ATL3: variants seen among roughly 807,000 people sequenced by gnomAD.
ATL3 encodes the protein atlastin GTPase 3.
Under a neutral mutation model 69.5 loss-of-function variants are expected in ATL3, and 49 were observed. That is an observed-to-expected ratio of 0.71 (90% CI 0.56 to 0.89). ATL3 has a LOEUF of 0.89. Among genes scored for constraint, ATL3 ranks in the 40% least tolerant of loss-of-function variants. The probability of loss-of-function intolerance (pLI) is 0.00; values close to 1 mark genes in which losing one functional copy is unlikely to be tolerated. For synonymous variants in ATL3, 214 were observed against 224.1 expected, an observed-to-expected ratio of 0.95 and a Z score of 0.40; for missense variants, 606 against 645.7, an observed-to-expected ratio of 0.94 and a Z score of 0.67.
chr11:63,644,370 A>AAGTACT, intron 6 of ATL3, 109 bp from the exon 7 acceptor site: 1 of 577,352 alleles, frequency 1.7e-6, no homozygotes, highest in Non-Finnish European at 3.0e-6. Context: ...GGGGTAAAGT[A>AAGTACT]GAAGGATTTA....
chr11:63,640,030 G>GT (rs1457688592), intron 8 of ATL3, among the ~76,000 whole-genome samples: 1 of 151,956 alleles, frequency 6.6e-6, no homozygotes, highest in African/African-American at 2.4e-5. Flanking sequence ...CCGGGTTCAA[G>GT]TAATTCTCCT....
At chr11:63,650,814 A>T (rs529430176) in intron 5 of ATL3, 2 of 152,336 alleles carry the variant, frequency 1.3e-5, no homozygotes, top group South Asian at 4.1e-4. Context: ...TGAAATGGTG[A>T]CCAACTCAAG....
At chr11:63,668,315 G>C (rs1590748899) in intron 1 of ATL3, among the ~76,000 whole-genome samples, 1 of 152,172 alleles carries the variant, frequency 6.6e-6, no homozygotes. Flanking sequence ...AGTATACTAA[G>C]ACCTTAGCCA....
At chr11:63,660,359 A>T (rs552120235) in intron 1 of ATL3, among the ~76,000 whole-genome samples, 37 of 152,326 alleles carry the variant, frequency 2.4e-4, no homozygotes, top group African/African-American at 8.9e-4. Context: ...TCTAAATTAA[A>T]ACCACAATAA....
intron 12 of ATL3, 100 bp downstream of exon 12, chr11:63,630,940 T>G (rs979170555): frequency 1.6e-6 from 2 of 1,216,138 alleles, no homozygotes; most frequent in Admixed American, 2.6e-5. Flanking sequence ...CACTGTCTCA[T>G]GTCTTCACTA....
rs1216400454 is a variant in ATL3, at chr11:63,626,943, A to G, written c.*2376T>C. The G allele has an allele frequency of 7.0e-6, 1 of 142,124 alleles. No homozygotes were observed. The highest frequency in any genetic ancestry group is 1.5e-5 in the Non-Finnish European group (1 of 64,796). 8.8% of individuals were successfully genotyped at this position (142,124 alleles called of 1,614,324 possible). A position where few individuals can be genotyped will look rare whatever the true frequency, so the allele number is the denominator to read the frequency against. ...AACACTTTCCAGAAGCAGAACTAAG[A>G]AAAAAAAAAAATGGTGAAGAGGACT... On this transcript the variant is annotated 3_prime_UTR_variant, in exon 13 of 13. Coordinates refer to ENST00000398868, the MANE Select transcript of ATL3 (RefSeq NM_015459.5).
rs1412511100 is a variant in ATL3 at position 63,633,966 on chromosome 11, T to TAG, written c.1036-871_1036-870dup. 2.2e-5 allele frequency among the ~76,000 whole-genome samples: 3 copies of TAG among 134,414 alleles called. No homozygotes were observed. The Admixed American group carries it at 2.5e-4, about 11-fold the overall frequency. The allele number at this position is 134,414 out of a possible 152,430, so 88.2% of individuals were successfully genotyped here. On this transcript the variant is annotated intron_variant, in intron 10 of 12. Transcript: ENST00000398868. ...AGGAGAACTACTTGAACCCAGGAGG[T>TAG]AGAGGTTGCAGTGAGCCGAGATCAC...
intron 1 of ATL3, among the ~76,000 whole-genome samples, chr11:63,668,403 G>A (rs1272401259): frequency 6.6e-6 from 1 of 152,196 alleles, no homozygotes; most frequent in East Asian, 1.9e-4. Flanking sequence ...TCTTAAGGCA[G>A]TGATTGTGCC....
At chr11:63,654,749 T>G (rs938159414) in intron 3 of ATL3, among the ~76,000 whole-genome samples, 29 of 143,702 alleles carry the variant, frequency 2.0e-4, no homozygotes, top group Middle Eastern at 3.4e-3. Flanking sequence ...CAGGCTGGAG[T>G]GCAATGGCGC....
chr11:63,666,896 G>T (rs373403801), intron 1 of ATL3, among the ~76,000 whole-genome samples: 1 of 152,212 alleles, frequency 6.6e-6, no homozygotes, highest in African/African-American at 2.4e-5. Flanking sequence ...ATAACGTGAT[G>T]TTTTTGCACA....
At chr11:63,635,108 G>A (rs1939471586) in intron 10 of ATL3, among the ~76,000 whole-genome samples, 1 of 152,070 alleles carries the variant, frequency 6.6e-6, no homozygotes, top group African/African-American at 2.4e-5. Flanking sequence ...GTTGCGGTGA[G>A]CCAAGATTGT....
At chr11:63,666,428 T>C (rs1940574519) in intron 1 of ATL3, among the ~76,000 whole-genome samples, 2 of 152,108 alleles carry the variant, frequency 1.3e-5, no homozygotes, top group Non-Finnish European at 2.9e-5. Context: ...TTCACCTGCT[T>C]ACTCTCAGAA....
chr11:63,629,125 C>T lies in ATL3; in HGVS notation c.*194G>A, dbSNP rs1451950663. On this transcript the variant is annotated 3_prime_UTR_variant, in exon 13 of 13. Transcript: ENST00000398868. The stretch of plus-strand genomic sequence containing the variant: ...TAACAGCAAGGAAAAGAAATGCTTC[C>T]AAGAGAAATGGAAGTGTGTTTAATA... 1.8e-6 allele frequency: 1 copy of T among 561,994 alleles called. No homozygotes were observed. The highest frequency in any genetic ancestry group is 1.9e-5 in the African/African-American group (1 of 53,320). 34.8% of individuals were successfully genotyped at this position (561,994 alleles called of 1,614,324 possible). A position where few individuals can be genotyped will look rare whatever the true frequency, so the allele number is the denominator to read the frequency against.
chr11:63,640,644 G>A (rs947702221), intron 8 of ATL3, among the ~76,000 whole-genome samples: 59 of 117,348 alleles, frequency 5.0e-4, no homozygotes, highest in Middle Eastern at 7.8e-3. Flanking sequence ...TGCTCTTGTC[G>A]CCCAGGCTGG....
intron 8 of ATL3, among the ~76,000 whole-genome samples, chr11:63,637,189 T>C (rs1450890126): frequency 6.6e-6 from 1 of 150,648 alleles, no homozygotes; most frequent in Non-Finnish European, 1.5e-5. Context: ...AAGCAGAGAA[T>C]AGCTTGAACC....
chr11:63,634,142 TTCAACACCAGCCTGC>T (rs1052396261), intron 10 of ATL3, among the ~76,000 whole-genome samples: 1 of 137,012 alleles, frequency 7.3e-6, no homozygotes, highest in Non-Finnish European at 1.5e-5. Flanking sequence ...AGTCCAAGAA[TTCAACACCAGCCTGC>T]TCAACACAGC....
chr11:63,656,084 C>T (rs759792849), intron 3 of ATL3, among the ~76,000 whole-genome samples: 8 of 151,840 alleles, frequency 5.3e-5, no homozygotes, highest in Admixed American at 2.0e-4. Flanking sequence ...CTTAGCCGGG[C>T]GTGGTGGTAG....
At chr11:63,641,068 T>C (rs1939684594) in intron 8 of ATL3, among the ~76,000 whole-genome samples, 1 of 152,220 alleles carries the variant, frequency 6.6e-6, no homozygotes, top group Non-Finnish European at 1.5e-5. Flanking sequence ...CTGATTATTG[T>C]GATGCTGCAC....
intron 1 of ATL3, among the ~76,000 whole-genome samples, chr11:63,662,141 C>A (rs1001103534): frequency 1.4e-5 from 2 of 145,960 alleles, no homozygotes; most frequent in Admixed American, 7.0e-5. Context: ...TGAACCTGCA[C>A]GGTGGAGGCT....
Sources: allele counts gnomAD v4.1 joint callset (sites outside exome capture counted in the v4.1 genomes callset), GRCh38; gene constraint gnomAD v4.1.1; transcripts MANE v1.5; gene names NCBI Gene and HGNC (gene_info 2026-07-23, HGNC 2026-07-21).